Variants in PKD1L1 observed in about 807,000 individuals in gnomAD.
PKD1L1 encodes polycystin 1 like 1, transient receptor potential channel interacting.
Under a neutral mutation model 323.4 loss-of-function variants are expected in PKD1L1, and 236 were observed. That is an observed-to-expected ratio of 0.73 (90% CI 0.66 to 0.81). The LOEUF is 0.81. PKD1L1 is among the 40% of genes least tolerant of loss of function. The pLI is 0.00. For synonymous variants in PKD1L1, 1,344 were observed against 1,335.0 expected (o/e 1.01, Z -0.15); for missense variants, 3,320 against 3,508.0 (o/e 0.95, Z 1.35).
rs73331721 is a variant in PKD1L1 at position 47,815,379 on chromosome 7, G to A, written c.7044C>T (p.Gly2348=). The change falls in exon 47 of 57, where the codon GGC becomes GGT. Residue 2348 remains glycine, a synonymous_variant. Transcript: ENST00000289672. The stretch of plus-strand genomic sequence containing the variant: ...CTGACGGGGTGCCTCCCGGGTACAG[G>A]CCATCCAGAAGTGTGGTCAGACTCC... ...WDWSLTTLLD[G]LYPGGTPSAR... 4,522 of 1,614,092 alleles carry A rather than the reference G, an allele frequency of 2.8e-3. 127 individuals are homozygous for A. The African/African-American group carries it at 0.053, about 19-fold the overall frequency.
At chr7:47,836,562 T>C (rs1785461326) in intron 37 of PKD1L1, among the ~76,000 whole-genome samples, 2 of 152,196 alleles carry the variant, frequency 1.3e-5, no homozygotes, top group African/African-American at 4.8e-5. Flanking sequence ...CTACGTTCTT[T>C]TGTCCAGAGG....
intron 24 of PKD1L1, among the ~76,000 whole-genome samples, chr7:47,873,388 C>A (rs948579997): frequency 6.6e-6 from 1 of 152,104 alleles, no homozygotes. Context: ...GTGGCTCACA[C>A]CTGTAATCCC....
intron 41 of PKD1L1, among the ~76,000 whole-genome samples, chr7:47,832,467 C>T (rs1301337018): frequency 6.6e-6 from 1 of 152,216 alleles, no homozygotes; most frequent in African/African-American, 2.4e-5. Flanking sequence ...CTGGGCCCAA[C>T]CAAACATAGC....
At chr7:47,837,243 T>C in intron 36 of PKD1L1, 149 bp from the exon 37 acceptor site, 1 of 881,136 alleles carries the variant, frequency 1.1e-6, no homozygotes, top group Non-Finnish European at 1.8e-6. Flanking sequence ...AGGTGGGCTG[T>C]GGTGCAGGTA....
In PKD1L1 at chr7:47,785,886, C is replaced by T. The variant is rs558683620; in HGVS notation, c.8526+6741G>A. Among the ~76,000 whole-genome samples the T allele has an allele frequency of 1.8e-4, 28 of 151,892 alleles. No individual in the cohort carries two copies. The South Asian group carries it at 2.3e-3, about 12-fold the overall frequency. On this transcript the variant is annotated intron_variant, in intron 56 of 56. Transcript: ENST00000289672. Reference sequence around the variant, plus strand: ...CCTCCTGAGTAGCTGGGATTATAGGCGCCCATCACCACAGCCGGCTAATTT... The same window carrying T: ...CCTCCTGAGTAGCTGGGATTATAGGTGCCCATCACCACAGCCGGCTAATTT...
chr7:47,882,451 A>T (rs1262042574), intron 19 of PKD1L1, among the ~76,000 whole-genome samples: 1 of 152,166 alleles, frequency 6.6e-6, no homozygotes, highest in African/African-American at 2.4e-5. Context: ...CAAAAAATAA[A>T]TGAGAAAACA....
chr7:47,950,117 C>T (rs780828211), upstream of PKD1L1, among the ~76,000 whole-genome samples: 34 of 152,170 alleles, frequency 2.2e-4, no homozygotes, highest in Non-Finnish European at 4.3e-4. Flanking sequence ...AGTTTGTAAA[C>T]GAACAAAATC....
chr7:47,777,119 C>T (rs1395656762), intron 56 of PKD1L1, among the ~76,000 whole-genome samples: 1 of 152,170 alleles, frequency 6.6e-6, no homozygotes, highest in Admixed American at 6.5e-5. Context: ...CTGGAAATCC[C>T]AGCCTCAAGT....
the PKD1L1 span, among the ~76,000 whole-genome samples, chr7:47,957,556 T>G: frequency 6.6e-6 from 1 of 152,168 alleles, no homozygotes; most frequent in African/African-American, 2.4e-5. Flanking sequence ...TTGCCCACGC[T>G]GAAGTGCAGT....
chr7:47,884,175 T>G (rs1583646883), intron 19 of PKD1L1, among the ~76,000 whole-genome samples: 2 of 142,670 alleles, frequency 1.4e-5, no homozygotes, highest in Non-Finnish European at 3.0e-5. Flanking sequence ...GTTTTGGGGG[T>G]TGGGGGGAAG....
chr7:47,921,055 A>G (rs1039925706), intron 7 of PKD1L1, among the ~76,000 whole-genome samples: 1 of 152,190 alleles, frequency 6.6e-6, no homozygotes, highest in Non-Finnish European at 1.5e-5. Flanking sequence ...AGTTAATTAA[A>G]CTAAAGAGAT....
chr7:47,795,245 C>A, intron 55 of PKD1L1: 1 of 403,520 alleles, frequency 2.5e-6, no homozygotes, highest in South Asian at 1.8e-5. Flanking sequence ...GTGGGAGGGA[C>A]CTAGTGGGAG....
In PKD1L1 at chr7:47,885,732, G is replaced by T; in HGVS notation, c.3159C>A (p.Arg1053=). 1 of 1,614,098 alleles carries T rather than the reference G, an allele frequency of 6.2e-7. No homozygotes were observed. The highest frequency in any genetic ancestry group is 1.7e-5 in the Admixed American group (1 of 60,016). ...PQSKGSLMTG[R]SERSQPTHSP... ...TGTGGGTGGGCTGACTTCTCTCAGAGCGGCCAGTCATCAGGGATCCCTTGC... is the reference window on the plus strand; with the variant it reads ...TGTGGGTGGGCTGACTTCTCTCAGATCGGCCAGTCATCAGGGATCCCTTGC... Residue 1053 remains arginine (R), a synonymous_variant, in exon 18 of 57, where the codon CGC becomes CGA. Coordinates refer to ENST00000289672, the MANE Select transcript of PKD1L1 (RefSeq NM_138295.5).
intron 1 of PKD1L1, among the ~76,000 whole-genome samples, chr7:47,945,203 A>G (rs1171494002): frequency 6.6e-6 from 1 of 152,224 alleles, no homozygotes; most frequent in Admixed American, 6.5e-5. Flanking sequence ...ACCAGCTGCT[A>G]AAGGTGTTCG....
At chr7:47,943,751 C>A (rs1563002174) in intron 1 of PKD1L1, among the ~76,000 whole-genome samples, 2 of 152,208 alleles carry the variant, frequency 1.3e-5, no homozygotes, top group African/African-American at 2.4e-5. Context: ...ACTACTAAAA[C>A]AGCCTCCGAA....
intron 13 of PKD1L1, among the ~76,000 whole-genome samples, chr7:47,898,672 A>C (rs1787013414): frequency 6.6e-6 from 1 of 152,148 alleles, no homozygotes; most frequent in South Asian, 2.1e-4. Flanking sequence ...AAATATTCTT[A>C]AGTCATTCTC....
chr7:47,784,618 G>A (rs540929540), intron 56 of PKD1L1, among the ~76,000 whole-genome samples: 7 of 151,914 alleles, frequency 4.6e-5, no homozygotes, highest in South Asian at 2.1e-4. Context: ...GATTACAGGC[G>A]CCCACCATTA....
the PKD1L1 span, among the ~76,000 whole-genome samples, chr7:47,958,981 C>G: frequency 1.3e-5 from 2 of 152,368 alleles, no homozygotes; most frequent in South Asian, 4.1e-4. Context: ...GCCACCATGC[C>G]TGACTGGTTT....
intron 56 of PKD1L1, among the ~76,000 whole-genome samples, chr7:47,790,047 C>T (rs917461454): frequency 5.0e-4 from 76 of 151,890 alleles, no homozygotes; most frequent in African/African-American, 1.7e-3. Context: ...TGCCATGACG[C>T]CCAGCTAATT....
Sources: gnomAD v4.1 joint callset for allele counts (sites outside exome capture counted in the v4.1 genomes callset) on GRCh38, gnomAD v4.1.1 for gene constraint, MANE v1.5 for transcripts, NCBI Gene and HGNC (gene_info 2026-07-23, HGNC 2026-07-21) for gene names.